The following ADAMTS17 variants were observed in gnomAD, a reference collection of about 807,000 sequenced individuals.
The protein encoded by ADAMTS17 is A disintegrin and metalloproteinase with thrombospondin motifs 17.
ADAMTS17 carries 113 observed loss-of-function variants against 141.5 expected under a neutral mutation model. That is an observed-to-expected ratio of 0.80 (90% confidence interval 0.69 to 0.93). ADAMTS17 has a LOEUF of 0.93. Ranked by LOEUF, ADAMTS17 falls within the 40% of genes least tolerant of loss-of-function variation. The pLI is 0.00. For missense variants in ADAMTS17, 1,659 were observed against 1,517.9 expected (o/e 1.09, Z -1.54); for synonymous variants, 768 against 630.6 (o/e 1.22, Z -3.27).
intron 5 of ADAMTS17, 37 bp from the exon 6 acceptor site, chr15:100,261,673 C>T (rs2043523361): frequency 6.3e-7 from 1 of 1,599,810 alleles, no homozygotes; most frequent in Admixed American, 1.7e-5. Flanking sequence ...GAAACAAACG[C>T]CTGGGAGGCC....
rs113880472 is a variant in ADAMTS17 at position 100,096,708 on chromosome 15, G to T, written c.2017-232C>A. On this transcript the variant is annotated intron_variant, in intron 14 of 21. Transcript: ENST00000268070. ...GCATAGCTGTAAAGTCTATTTTTTG[G>T]TATTTGTTCTGGAGGGAGATCCATG... Among the ~76,000 whole-genome samples the T allele has an allele frequency of 0.075, 1,490 of 19,902 alleles. 29 individuals carry two copies. Among genetic ancestry groups the T allele is most frequent in the African/African-American group, 0.17 (1,443 of 8,696 alleles). The allele number at this position is 19,902 out of a possible 152,430, so 13.1% of individuals were successfully genotyped here. A position where few individuals can be genotyped will look rare whatever the true frequency, so the allele number is the denominator to read the frequency against.
chr15:100,081,706 G>A (rs946726809), intron 15 of ADAMTS17, among the ~76,000 whole-genome samples: 14 of 152,142 alleles, frequency 9.2e-5, no homozygotes, highest in South Asian at 2.1e-4. Flanking sequence ...GAGAGTAAAC[G>A]TTTACTCAAA....
intron 4 of ADAMTS17, among the ~76,000 whole-genome samples, chr15:100,272,505 G>A (rs1437041401): frequency 1.3e-5 from 2 of 150,486 alleles, no homozygotes; most frequent in East Asian, 3.9e-4. Flanking sequence ...TTAGCATATA[G>A]AAATGCAACT....
At chr15:100,288,809 G>GA (rs1361547098) in intron 3 of ADAMTS17, among the ~76,000 whole-genome samples, 1 of 152,008 alleles carries the variant, frequency 6.6e-6, no homozygotes, top group African/African-American at 2.4e-5. Flanking sequence ...AAACTAATGA[G>GA]AAAAAAGATA....
At chr15:100,072,939 T>A (rs34239287) in intron 15 of ADAMTS17, among the ~76,000 whole-genome samples, 5,896 of 152,130 alleles carry the variant, frequency 0.039, 401 homozygotes, top group African/African-American at 0.14. Context: ...AGTATAGGGC[T>A]TCTGCAAAGC....
chr15:100,116,601 G>T (rs1323958417), intron 13 of ADAMTS17, among the ~76,000 whole-genome samples: 1 of 152,210 alleles, frequency 6.6e-6, no homozygotes, highest in Admixed American at 6.5e-5. Context: ...CTACAAATGG[G>T]GTTGCAGGAT....
At chr15:99,982,645 C>T (rs1479829859) in intron 20 of ADAMTS17, among the ~76,000 whole-genome samples, 4 of 152,210 alleles carry the variant, frequency 2.6e-5, no homozygotes, top group Non-Finnish European at 4.4e-5. Flanking sequence ...TTTAATCATC[C>T]AAGCAAACAG....
intron 14 of ADAMTS17, among the ~76,000 whole-genome samples, chr15:100,100,072 T>A (rs2036003073): frequency 6.6e-6 from 1 of 152,224 alleles, no homozygotes; most frequent in Admixed American, 6.5e-5. Context: ...ACCCTGTCTC[T>A]GTTGTGCATG....
At chr15:100,055,034 T>C (rs1394520073) in intron 15 of ADAMTS17, among the ~76,000 whole-genome samples, 2 of 152,118 alleles carry the variant, frequency 1.3e-5, no homozygotes, top group Non-Finnish European at 2.9e-5. Context: ...TAAAACCTAT[T>C]CTGGCATTTT....
At chr15:100,201,966 G>A (rs1389548165) in intron 7 of ADAMTS17, among the ~76,000 whole-genome samples, 2 of 152,202 alleles carry the variant, frequency 1.3e-5, no homozygotes, top group African/African-American at 2.4e-5. Flanking sequence ...ACCCAGCAGT[G>A]CCCGCCCAGC....
At chr15:100,309,555 C>G (rs1317746194) in intron 3 of ADAMTS17, among the ~76,000 whole-genome samples, 1 of 152,166 alleles carries the variant, frequency 6.6e-6, no homozygotes, top group African/African-American at 2.4e-5. Flanking sequence ...AGAGTCCTCT[C>G]TAATCCCAAA....
intron 4 of ADAMTS17, among the ~76,000 whole-genome samples, chr15:100,266,805 C>T (rs1037368031): frequency 1.7e-4 from 26 of 152,172 alleles, no homozygotes; most frequent in African/African-American, 5.8e-4. Flanking sequence ...GCACTTACCA[C>T]GCTCTGGTTT....
chr15:100,319,977 C>T (rs1175752483), intron 3 of ADAMTS17, among the ~76,000 whole-genome samples: 1 of 151,990 alleles, frequency 6.6e-6, no homozygotes, highest in Non-Finnish European at 1.5e-5. Flanking sequence ...GGAAAGGTAA[C>T]AGCATCATGA....
intron 4 of ADAMTS17, among the ~76,000 whole-genome samples, chr15:100,273,995 T>C (rs2142044879): frequency 6.6e-6 from 1 of 152,346 alleles, no homozygotes; most frequent in East Asian, 1.9e-4. Flanking sequence ...TTTCCAGTTT[T>C]CCTTCTGTTA....
intron 7 of ADAMTS17, among the ~76,000 whole-genome samples, chr15:100,236,391 C>T (rs529337580): frequency 2.6e-5 from 4 of 152,102 alleles, no homozygotes; most frequent in Non-Finnish European, 2.9e-5. Flanking sequence ...ATAGCCCTGC[C>T]CAGGCCCACC....
At chr15:100,187,315 T>C (rs1476963233) in intron 8 of ADAMTS17, among the ~76,000 whole-genome samples, 1 of 152,238 alleles carries the variant, frequency 6.6e-6, no homozygotes, top group Non-Finnish European at 1.5e-5. Context: ...TTTAGGGTGC[T>C]CTTCGACTTT....
chr15:100,302,442 T>C (rs565899741), intron 3 of ADAMTS17, among the ~76,000 whole-genome samples: 2 of 152,310 alleles, frequency 1.3e-5, no homozygotes, highest in South Asian at 4.1e-4. Context: ...AGTGGCTAAG[T>C]CATACAGTAA....
intron 10 of ADAMTS17, among the ~76,000 whole-genome samples, chr15:100,136,849 A>G (rs2038358994): frequency 6.6e-6 from 1 of 152,216 alleles, no homozygotes; most frequent in East Asian, 1.9e-4. Context: ...TGATAAAGTC[A>G]CTGGGTTTCA....
chr15:100,026,668 T>C (rs2061520634), intron 18 of ADAMTS17, among the ~76,000 whole-genome samples: 2 of 152,232 alleles, frequency 1.3e-5, no homozygotes, highest in Admixed American at 6.5e-5. Context: ...GGATCCACCA[T>C]CTTGTCTTGC....
Sources: allele counts gnomAD v4.1 joint callset (sites outside exome capture counted in the v4.1 genomes callset), GRCh38; gene constraint gnomAD v4.1.1; transcripts MANE v1.5; gene names NCBI Gene and HGNC (gene_info 2026-07-23, HGNC 2026-07-21).